TRPM7: variants seen among roughly 807,000 people sequenced by gnomAD.
TRPM7 encodes the protein LTRPC ion channel family member 7.
A neutral mutation model predicts 229.7 loss-of-function variants in TRPM7; 134 were observed. The ratio of observed to expected loss-of-function variants is 0.58; its 90% CI spans 0.51 to 0.67. The LOEUF is 0.67. TRPM7 is among the 30% of genes least tolerant of loss of function. The pLI is 0.00. For synonymous variants in TRPM7, 699 were observed against 715.2 expected, an observed-to-expected ratio of 0.98 and a Z score of 0.36; for missense variants, 1,901 against 2,210.0, an observed-to-expected ratio of 0.86 and a Z score of 2.80.
At chr15:50,637,352 T>C (rs2060940129) in intron 7 of TRPM7, 70 bp downstream of exon 7, 6 of 1,406,072 alleles carry the variant, frequency 4.3e-6, no homozygotes, top group Non-Finnish European at 5.9e-6. Flanking sequence ...AACATTCTAC[T>C]TTCTTTGAAT....
chr15:50,600,281 A>T (rs1230231179), intron 21 of TRPM7, among the ~76,000 whole-genome samples: 1 of 152,148 alleles, frequency 6.6e-6, no homozygotes, highest in East Asian at 1.9e-4. Context: ...TACTAAAAAT[A>T]TAAAACTTAG....
chr15:50,592,647 T>C, intron 25 of TRPM7, 21 bp from the exon 26 acceptor site: 1 of 1,453,144 alleles, frequency 6.9e-7, no homozygotes, highest in Non-Finnish European at 9.2e-7. Flanking sequence ...GAAATAAGCT[T>C]TTTTTACAAA....
rs760962338 is a variant in TRPM7 at position 50,561,658 on chromosome 15, A to G, written c.*20T>C. 1.9e-6 allele frequency: 3 copies of G among 1,600,552 alleles called. No individual in the cohort carries two copies. Among genetic ancestry groups the G allele is most frequent in the South Asian group, 2.3e-5 (2 of 87,658 alleles). ...TTTCTGTGAGGTGCAGGCAAAACCA[A>G]TGATTCAGTAATATTAATATTATAA... On this transcript the variant is annotated 3_prime_UTR_variant, in exon 39 of 39. Coordinates refer to ENST00000646667, the MANE Select transcript of TRPM7 (RefSeq NM_017672.6).
intron 38 of TRPM7, among the ~76,000 whole-genome samples, chr15:50,565,447 G>T (rs1242072131): frequency 6.6e-6 from 1 of 152,074 alleles, no homozygotes; most frequent in Non-Finnish European, 1.5e-5. Context: ...AGCTGGAGTG[G>T]TTATGTTAAT....
At chr15:50,586,009 AG>A (rs1490061770) in intron 28 of TRPM7, among the ~76,000 whole-genome samples, 2 of 103,092 alleles carry the variant, frequency 1.9e-5, no homozygotes, top group African/African-American at 5.3e-5. Flanking sequence ...AAATTTTCAG[AG>A]TGTGTGTATT....
chr15:50,677,749 AAAAAAAAAAAAC>A (rs766504349), intron 1 of TRPM7, among the ~76,000 whole-genome samples: 6 of 148,316 alleles, frequency 4.0e-5, no homozygotes, highest in African/African-American at 1.2e-4. Flanking sequence ...AAAAAAAAAA[AAAAAAAAAAAAC>A]AAAAGGTAAC....
chr15:50,582,143 T>C (rs2140308085), intron 29 of TRPM7, among the ~76,000 whole-genome samples: 1 of 152,258 alleles, frequency 6.6e-6, no homozygotes, highest in South Asian at 2.1e-4. Context: ...TGATTTTTAG[T>C]AGAGACAGGG....
chr15:50,644,255 ACTT>A (rs201067430), intron 4 of TRPM7, among the ~76,000 whole-genome samples: 2,243 of 152,292 alleles, frequency 0.015, 53 homozygotes, highest in African/African-American at 0.052. Context: ...GTGTGAAATA[ACTT>A]CTTCTGGTTT....
intron 8 of TRPM7, among the ~76,000 whole-genome samples, 167 bp from the exon 9 acceptor site, chr15:50,633,159 G>T (rs764265717): frequency 6.6e-6 from 1 of 152,164 alleles, no homozygotes; most frequent in Non-Finnish European, 1.5e-5. Flanking sequence ...CAACACAAAT[G>T]TTAGAAGGAA....
Position 50,557,661 on chromosome 15 carries a change from T to C in TRPM7, c.*4017A>G, listed in dbSNP as rs575912595. On this transcript the variant is annotated 3_prime_UTR_variant, in exon 39 of 39. Coordinates refer to ENST00000646667, the MANE Select transcript of TRPM7 (RefSeq NM_017672.6). ...CAGAAAAGAATTCCACATCTTTTTTTTGAGACAGAGTTCTGCTGTCACCCA... is the reference window on the plus strand; with the variant it reads ...CAGAAAAGAATTCCACATCTTTTTTCTGAGACAGAGTTCTGCTGTCACCCA... 8 of 152,230 alleles carry C rather than the reference T, an allele frequency of 5.3e-5. No individual in the cohort carries two copies. Among genetic ancestry groups the C allele is most frequent in the South Asian group, 2.1e-4 (1 of 4,828 alleles). 9.4% of individuals were successfully genotyped at this position (152,230 alleles called of 1,614,324 possible). A position where few individuals can be genotyped will look rare whatever the true frequency, so the allele number is the denominator to read the frequency against.
intron 3 of TRPM7, among the ~76,000 whole-genome samples, chr15:50,655,463 CCTT>C (rs2061538281): frequency 6.9e-6 from 1 of 145,268 alleles, no homozygotes; most frequent in Non-Finnish European, 1.5e-5. Flanking sequence ...AAACAAAAAA[CCTT>C]CTCAATCAGG....
At chr15:50,632,646 G>A (rs2060772295) in intron 9 of TRPM7, among the ~76,000 whole-genome samples, 1 of 152,148 alleles carries the variant, frequency 6.6e-6, no homozygotes, top group African/African-American at 2.4e-5. Context: ...TCCTAAAACA[G>A]AAGCACAAAT....
At chr15:50,682,131 T>TCGCGCCAC (rs1330843827) in intron 1 of TRPM7, among the ~76,000 whole-genome samples, 1 of 126,176 alleles carries the variant, frequency 7.9e-6, no homozygotes, top group Non-Finnish European at 1.6e-5. Flanking sequence ...TGAGCCGACA[T>TCGCGCCAC]CGCGCCACCG....
At chr15:50,612,963 T>C (rs1447363459) in intron 15 of TRPM7, 134 bp from the exon 16 acceptor site, 2 of 717,190 alleles carry the variant, frequency 2.8e-6, no homozygotes, top group Non-Finnish European at 4.2e-6. Context: ...TTTTATAAAC[T>C]TGATTTTTAT....
In TRPM7 at chr15:50,663,256, G is replaced by A. The variant is rs2061780848; in HGVS notation, c.4-210C>T. Among the ~76,000 whole-genome samples, 5 of 152,106 alleles carry A rather than the reference G, an allele frequency of 3.3e-5. No individual in the cohort carries two copies. The South Asian group carries it at 1.0e-3, about 32-fold the overall frequency. ...TGATTCTCCTGCCTCAGCCTCCCGG[G>A]TAGCTGGCAGTACAGGCATGTGCCA... On this transcript the variant is annotated intron_variant, in intron 1 of 38. Transcript: ENST00000646667.
chr15:50,607,054 G>A, intron 20 of TRPM7, 146 bp downstream of exon 20: 1 of 578,450 alleles, frequency 1.7e-6, no homozygotes, highest in East Asian at 3.1e-5. Flanking sequence ...CATTATTTTG[G>A]GAACAGCAAA....
At chr15:50,631,344 A>G in intron 10 of TRPM7, 73 bp downstream of exon 10, 1 of 797,588 alleles carries the variant, frequency 1.3e-6, no homozygotes, top group Non-Finnish European at 2.0e-6. Flanking sequence ...ACATACACAT[A>G]TACACACATA....
chr15:50,637,168 T>C (rs2060933178), intron 7 of TRPM7, among the ~76,000 whole-genome samples: 1 of 151,884 alleles, frequency 6.6e-6, no homozygotes, highest in South Asian at 2.1e-4. Context: ...TTCCTTGGGC[T>C]GAAATGGAAT....
Position 50,665,595 on chromosome 15 carries a change from T to C in TRPM7, c.4-2549A>G, listed in dbSNP as rs534915861. ...ATTCATAATTAAAAATTTTAAATTC[T>C]TAGAAGTGAATAATAGTGAAAATTC... On this transcript the variant is annotated intron_variant, in intron 1 of 38. Coordinates refer to ENST00000646667, the MANE Select transcript of TRPM7 (RefSeq NM_017672.6). Among the ~76,000 whole-genome samples, 260 of 152,266 alleles carry C rather than the reference T, an allele frequency of 1.7e-3. 1 individual carries two copies. The highest frequency in any genetic ancestry group is 3.7e-3 in the South Asian group (18 of 4,834).
Sources: gnomAD v4.1 joint callset for allele counts (sites outside exome capture counted in the v4.1 genomes callset) on GRCh38, gnomAD v4.1.1 for gene constraint, MANE v1.5 for transcripts, NCBI Gene and HGNC (gene_info 2026-07-23, HGNC 2026-07-21) for gene names.